Variants in IL17RC observed in about 807,000 individuals in gnomAD.
IL17RC encodes the protein interleukin 17 receptor C.
In IL17RC, 53 loss-of-function variants were observed where a neutral mutation model predicts 86.7. The observed-to-expected ratio is 0.61, with a 90% CI of 0.49 to 0.77. IL17RC has a LOEUF of 0.77. Among genes scored for constraint, IL17RC ranks in the 30% least tolerant of loss-of-function variants. The pLI is 0.00. For synonymous variants in IL17RC, 439 were observed against 413.1 expected (o/e 1.06, Z -0.76); for missense variants, 957 against 940.0 (o/e 1.02, Z -0.24).
chr3:9,918,213 C>T lies in IL17RC; in HGVS notation c.281-122C>T, dbSNP rs2083267486. On this transcript the variant is annotated intron_variant, in intron 3 of 18. Coordinates refer to ENST00000403601, the MANE Select transcript of IL17RC (RefSeq NM_153460.4). ...GGACACCAGCAGAAGGACCCCCAGGCCAGTGTGGTCTCCCCAGCCCCTGCT... is the reference window on the plus strand; with the variant it reads ...GGACACCAGCAGAAGGACCCCCAGGTCAGTGTGGTCTCCCCAGCCCCTGCT... The T allele has an allele frequency of 6.2e-6, 8 of 1,291,216 alleles. No homozygotes were observed. In the South Asian group the frequency reaches 1.1e-4, roughly 18 times the overall value. 80.0% of individuals were successfully genotyped at this position (1,291,216 alleles called of 1,614,324 possible).
chr3:9,918,216 GT>G, intron 3 of IL17RC, 118 bp from the exon 4 acceptor site: 1 of 1,303,202 alleles, frequency 7.7e-7, no homozygotes. Flanking sequence ...CCCCAGGCCA[GT>G]GTGGTCTCCC....
At chr3:9,918,232 C>T in intron 3 of IL17RC, 103 bp from the exon 4 acceptor site, 1 of 1,327,566 alleles carries the variant, frequency 7.5e-7, no homozygotes, top group Non-Finnish European at 1.0e-6. Context: ...TCTCCCCAGC[C>T]CCTGCTTCCC....
In IL17RC at chr3:9,928,647, T is replaced by G. The variant is rs1328967550; in HGVS notation, c.1110+17T>G. The G allele has an allele frequency of 3.7e-6, 6 of 1,613,102 alleles. No homozygotes were observed. Among genetic ancestry groups the G allele is most frequent in the Non-Finnish European group, 5.1e-6 (6 of 1,179,750 alleles). Reference sequence around the variant, plus strand: ...TGTGTTCAGGTCAGAAAGGGGTGCATAGTGCTGGGCTGGAGGCTGGACCTG... The same window carrying G: ...TGTGTTCAGGTCAGAAAGGGGTGCAGAGTGCTGGGCTGGAGGCTGGACCTG... On this transcript the variant is annotated intron_variant, in intron 12 of 18. Coordinates refer to ENST00000403601, the MANE Select transcript of IL17RC (RefSeq NM_153460.4).
In IL17RC at chr3:9,928,619, C is replaced by A; in HGVS notation, c.1099C>A (p.Leu367Ile). The A allele has an allele frequency of 6.2e-7, 1 of 1,613,762 alleles. No individual in the cohort carries two copies. The highest frequency in any genetic ancestry group is 1.3e-5 in the African/African-American group (1 of 75,034). The change falls in exon 12 of 19, where the codon CTC becomes ATC. Residue 367 changes from leucine to isoleucine, a missense_variant. Transcript: ENST00000403601. ...CCCATTGCTGAAAGGCCACCCTAACCTCTGTGTTCAGGTCAGAAAGGGGTG... is the reference window on the plus strand; with the variant it reads ...CCCATTGCTGAAAGGCCACCCTAACATCTGTGTTCAGGTCAGAAAGGGGTG... Reference protein sequence around the residue: ...EFPLLKGHPNLCVQVNSSEKL... With the variant: ...EFPLLKGHPNICVQVNSSEKL...
intron 7 of IL17RC, 84 bp downstream of exon 7, chr3:9,921,053 G>T: frequency 1.3e-6 from 1 of 768,652 alleles, no homozygotes; most frequent in Non-Finnish European, 2.1e-6. Flanking sequence ...TTCAGATATG[G>T]GCTACCACAT....
intron 7 of IL17RC, among the ~76,000 whole-genome samples, chr3:9,921,291 C>T (rs2083525787): frequency 6.6e-6 from 1 of 151,920 alleles, no homozygotes; most frequent in Admixed American, 6.6e-5. Flanking sequence ...CCCGTCTCTA[C>T]CAAAAATACA....
intron 6 of IL17RC, 78 bp downstream of exon 6, chr3:9,920,680 A>G: frequency 5.1e-6 from 5 of 988,984 alleles, no homozygotes; most frequent in Non-Finnish European, 7.9e-6. Context: ...ACCCTCTTCT[A>G]GCTCCATCCA....
Position 9,931,470 on chromosome 3 carries a change from C to CACACACATATATATATAT in IL17RC, c.1387+528_1387+529insCACACATATATATATATA, listed in dbSNP as rs750351615. On this transcript the variant is annotated intron_variant, in intron 16 of 18. Transcript: ENST00000403601. ...TATATATTTCACACACACACACACA[C>CACACACATATATATATAT]ATATATATATATATATATATATATA... is the stretch of plus-strand genomic sequence containing the variant. Among the ~76,000 whole-genome samples, 128 of 43,470 alleles carry CACACACATATATATATAT rather than the reference C, an allele frequency of 2.9e-3. 1 individual carries two copies. The highest frequency in any genetic ancestry group is 6.3e-3 in the Non-Finnish European group (98 of 15,476). 28.5% of individuals were successfully genotyped at this position (43,470 alleles called of 152,430 possible).
Position 9,924,302 on chromosome 3 carries a change from A to T in IL17RC, c.822+11A>T. 1 of 1,613,372 alleles carries T rather than the reference A, an allele frequency of 6.2e-7. No homozygotes were observed. The highest frequency in any genetic ancestry group is 8.5e-7 in the Non-Finnish European group (1 of 1,179,470). On this transcript the variant is annotated intron_variant, in intron 9 of 18. Transcript: ENST00000403601. Reference sequence around the variant, plus strand: ...TGCCTCTGTATTCAGGTAGGAGCAGAGTCTAGCTGGGTGCCAGAAGAGGAG... The same window carrying T: ...TGCCTCTGTATTCAGGTAGGAGCAGTGTCTAGCTGGGTGCCAGAAGAGGAG...
intron 12 of IL17RC, chr3:9,928,983 TG>T (rs1460215758): frequency 4.1e-6 from 1 of 243,930 alleles, no homozygotes. Flanking sequence ...ACCTGTAGAA[TG>T]GGTTGCTCTA....
chr3:9,927,384 C>T (rs1409018678), intron 9 of IL17RC, among the ~76,000 whole-genome samples: 1 of 151,818 alleles, frequency 6.6e-6, no homozygotes, highest in Non-Finnish European at 1.5e-5. Flanking sequence ...ATAGTGAAAC[C>T]CAGTCTCTAC....
chr3:9,926,006 G>A (rs921602457), intron 9 of IL17RC, among the ~76,000 whole-genome samples: 3 of 144,222 alleles, frequency 2.1e-5, no homozygotes, highest in Non-Finnish European at 3.0e-5. Context: ...GCAGGCATGC[G>A]CCACCATGCC....
At position 9,920,495 on chromosome 3, in the gene IL17RC, CTG is replaced by C; in HGVS notation, c.473_474del (p.Val158GlyfsTer3). The stretch of plus-strand genomic sequence containing the variant: ...TCCTCACCCCTCTCCTCACAGGGCT[CTG>C]TGGTATATGACTGCTTCGAGGCTGC... On this transcript the variant is annotated frameshift_variant, in exon 6 of 19. Coordinates refer to ENST00000403601, the MANE Select transcript of IL17RC (RefSeq NM_153460.4). LOFTEE classifies it high-confidence loss of function. 6.3e-7 allele frequency: 1 copy of C among 1,592,176 alleles called. No individual in the cohort carries two copies. The highest frequency in any genetic ancestry group is 1.7e-4 in the Middle Eastern group (1 of 6,040).
intron 7 of IL17RC, among the ~76,000 whole-genome samples, chr3:9,921,279 TC>T (rs2083525020): frequency 6.6e-6 from 1 of 151,936 alleles, no homozygotes; most frequent in African/African-American, 2.4e-5. Context: ...ACATGGCAAA[TC>T]CCCGTCTCTA....
At chr3:9,927,872 C>G (rs2125245132) in intron 9 of IL17RC, among the ~76,000 whole-genome samples, 1 of 152,016 alleles carries the variant, frequency 6.6e-6, no homozygotes, top group Non-Finnish European at 1.5e-5. Context: ...TCGCTTGAAC[C>G]TGGGAGGTGG....
At chr3:9,920,773 C>A in intron 6 of IL17RC, 152 bp from the exon 7 acceptor site, 1 of 762,938 alleles carries the variant, frequency 1.3e-6, no homozygotes, top group Non-Finnish European at 2.2e-6. Flanking sequence ...GGCTTTCCAG[C>A]CCCTGGGGAA....
Position 9,930,887 on chromosome 3 carries a change from T to C in IL17RC, c.1339-8T>C, listed in dbSNP as rs758501060. The C allele has an allele frequency of 1.3e-5, 21 of 1,613,970 alleles. No individual in the cohort carries two copies. In the South Asian group the frequency reaches 2.2e-4, roughly 17 times the overall value. ...TGCCCTGGATTTGGTTCTGTTTGTATCTTACAGCTATGGGACGATGACTTG... is the reference window on the plus strand; with the variant it reads ...TGCCCTGGATTTGGTTCTGTTTGTACCTTACAGCTATGGGACGATGACTTG... On this transcript the variant is annotated splice_polypyrimidine_tract_variant and splice_region_variant and intron_variant, in intron 15 of 18. Transcript: ENST00000403601. The surrounding 1 kb of genome is among the most constrained non-coding windows in gnomAD (Gnocchi z 5.8).
intron 9 of IL17RC, among the ~76,000 whole-genome samples, chr3:9,925,655 A>G (rs1471539568): frequency 6.6e-6 from 1 of 151,602 alleles, no homozygotes; most frequent in East Asian, 1.9e-4. Context: ...ATTCCCCTTC[A>G]TGAGAACATT....
intron 2 of IL17RC, 83 bp from the exon 3 acceptor site, chr3:9,917,840 T>A: frequency 6.2e-7 from 1 of 1,607,104 alleles, no homozygotes. Context: ...ACAGCCAAGT[T>A]CTTTGGCTCT....
Sources: gnomAD v4.1 joint callset for allele counts (sites outside exome capture counted in the v4.1 genomes callset) on GRCh38, gnomAD v4.1.1 for gene constraint, Gnocchi (gnomAD v3.1) non-coding constraint, MANE v1.5 for transcripts, NCBI Gene and HGNC (gene_info 2026-07-23, HGNC 2026-07-21) for gene names.